The following CDH23 variants were observed in gnomAD, a reference collection of about 807,000 sequenced individuals.
CDH23 encodes the protein cadherin related 23.
CDH23 carries 189 observed loss-of-function variants against 317.1 expected under a neutral mutation model. The observed-to-expected ratio is 0.60, with a 90% confidence interval of 0.53 to 0.67. The LOEUF (loss-of-function observed/expected upper bound fraction) is 0.67. Among genes scored for constraint, CDH23 ranks in the 30% least tolerant of loss-of-function variants. CDH23 has a pLI of 0.00. For missense variants in CDH23, 4,401 were observed against 4,592.4 expected, an observed-to-expected ratio of 0.96 and a Z score of 1.20; for synonymous variants, 1,839 against 1,876.8, an observed-to-expected ratio of 0.98 and a Z score of 0.52.
chr10:71,680,369 C>CGATG (rs1240953285), intron 17 of CDH23, among the ~76,000 whole-genome samples: 1 of 152,188 alleles, frequency 6.6e-6, no homozygotes, highest in Non-Finnish European at 1.5e-5. Context: ...CAGAAGGAAT[C>CGATG]GATGTGCGTT....
chr10:71,693,699 T>C (rs1589341719), intron 20 of CDH23, among the ~76,000 whole-genome samples: 1 of 152,330 alleles, frequency 6.6e-6, no homozygotes, highest in Non-Finnish European at 1.5e-5. Flanking sequence ...GTAGTTCCTA[T>C]TATGGTTCCC....
chr10:71,714,637 G>C (rs1177561348), intron 28 of CDH23: 1 of 152,266 alleles, frequency 6.6e-6, no homozygotes, highest in African/African-American at 2.4e-5. Context: ...ATTGGAGCCA[G>C]CTCCCAGAGG....
At chr10:71,740,163 GC>G (rs1265517582) in intron 36 of CDH23, among the ~76,000 whole-genome samples, 3 of 152,218 alleles carry the variant, frequency 2.0e-5, no homozygotes, top group Non-Finnish European at 2.9e-5. Flanking sequence ...TCCCCGTCTG[GC>G]CTGCCCTGTG....
intron 1 of CDH23, among the ~76,000 whole-genome samples, chr10:71,414,914 G>A (rs1326391055): frequency 6.6e-6 from 1 of 152,126 alleles, no homozygotes; most frequent in Non-Finnish European, 1.5e-5. Flanking sequence ...GTTTTTGTGT[G>A]TCAGTGTTAG....
In CDH23 at chr10:71,455,952, G is replaced by A. The variant is rs150097300; in HGVS notation, c.145+9557G>A. Among the ~76,000 whole-genome samples the A allele has an allele frequency of 5.3e-3, 814 of 152,226 alleles. 2 individuals are homozygous for A. Among genetic ancestry groups the A allele is most frequent in the Non-Finnish European group, 8.4e-3 (572 of 68,006 alleles). ...TCCGGATTGCAGCTGCCCTGACTTC[G>A]CACACCAGCTGCAGAGGGAATTCCA... On this transcript the variant is annotated intron_variant, in intron 3 of 69. Transcript: ENST00000224721.
intron 1 of CDH23, among the ~76,000 whole-genome samples, chr10:71,404,040 C>G (rs540923499): frequency 6.6e-6 from 1 of 152,154 alleles, no homozygotes; most frequent in African/African-American, 2.4e-5. Context: ...TGCCATGAGC[C>G]GAGATCGTGC....
intron 3 of CDH23, among the ~76,000 whole-genome samples, chr10:71,501,840 A>G (rs1853352367): frequency 6.6e-6 from 1 of 152,212 alleles, no homozygotes; most frequent in Non-Finnish European, 1.5e-5. Context: ...GCCAGCCAGG[A>G]GGAGGAGGGT....
intron 18 of CDH23, among the ~76,000 whole-genome samples, chr10:71,686,290 C>T (rs895671590): frequency 2.6e-5 from 4 of 152,040 alleles, no homozygotes; most frequent in Middle Eastern, 3.4e-3. Context: ...ATGGGGCGCT[C>T]GCACCCGCAC....
intron 6 of CDH23, among the ~76,000 whole-genome samples, chr10:71,551,545 G>A (rs961798654): frequency 1.3e-5 from 2 of 152,158 alleles, no homozygotes; most frequent in African/African-American, 2.4e-5. Context: ...TTCTGGTAGG[G>A]AAGAGAAGGC....
At chr10:71,670,936 C>T (rs1864117494) in intron 14 of CDH23, among the ~76,000 whole-genome samples, 1 of 150,550 alleles carries the variant, frequency 6.6e-6, no homozygotes, top group African/African-American at 2.4e-5. Context: ...AGTTGAGGTG[C>T]TCACCTGGAG....
At chr10:71,409,749 T>C (rs952194108) in intron 1 of CDH23, among the ~76,000 whole-genome samples, 7 of 152,190 alleles carry the variant, frequency 4.6e-5, no homozygotes, top group Middle Eastern at 3.2e-3. Flanking sequence ...AGACCCATGC[T>C]GCAGCCTCAA....
chr10:71,759,742 G>A (rs1209018066), intron 38 of CDH23, among the ~76,000 whole-genome samples: 1 of 151,168 alleles, frequency 6.6e-6, no homozygotes, highest in Non-Finnish European at 1.5e-5. Flanking sequence ...AATCCGGGAG[G>A]CGGAGGTTGC....
rs1853854162 is a variant in CDH23 at position 71,509,841 on chromosome 10, A to G, written c.146-241A>G. 7.3e-6 allele frequency: 4 copies of G among 548,092 alleles called. No homozygotes were observed. The African/African-American group carries it at 7.6e-5, about 10-fold the overall frequency. The allele number at this position is 548,092 out of a possible 1,614,324, so 34.0% of individuals were successfully genotyped here. A position where few individuals can be genotyped will look rare whatever the true frequency, so the allele number is the denominator to read the frequency against. On this transcript the variant is annotated intron_variant, in intron 3 of 69. Coordinates refer to ENST00000224721, the MANE Select transcript of CDH23 (RefSeq NM_022124.6). The stretch of plus-strand genomic sequence containing the variant: ...TCATAAGTGTCTTTTACACACTCAG[A>G]ACATGGTGAGTGGTGGTTCCCTGAT...
Position 71,585,478 on chromosome 10 carries a change from G to A in CDH23, c.832+7486G>A, listed in dbSNP as rs142453045. ...TCTCTCAAGCTGGAACAAACCTGCT[G>A]TCCAAAGTGCAGGTTTAGCCCATTT... is the stretch of plus-strand genomic sequence containing the variant. On this transcript the variant is annotated intron_variant, in intron 9 of 69. Transcript: ENST00000224721. Among the ~76,000 whole-genome samples the A allele has an allele frequency of 8.3e-3, 1,264 of 152,312 alleles. 22 individuals carry two copies. Among genetic ancestry groups the A allele is most frequent in the African/African-American group, 0.029 (1,218 of 41,550 alleles).
intron 9 of CDH23, among the ~76,000 whole-genome samples, chr10:71,581,591 G>T (rs752734449): frequency 3.9e-5 from 6 of 152,226 alleles, no homozygotes; most frequent in Non-Finnish European, 5.9e-5. Flanking sequence ...AGAACAAAGA[G>T]GCCTTCAGCA....
intron 9 of CDH23, among the ~76,000 whole-genome samples, chr10:71,607,176 C>T (rs1189265856): frequency 2.6e-5 from 4 of 152,224 alleles, no homozygotes; most frequent in Non-Finnish European, 4.4e-5. Context: ...GATATGGCTC[C>T]GCTGGACAGC....
In CDH23 at chr10:71,803,434, G is replaced by A. The variant is rs531667910; in HGVS notation, c.7872+14G>A. On this transcript the variant is annotated intron_variant, in intron 55 of 69. Coordinates refer to ENST00000224721, the MANE Select transcript of CDH23 (RefSeq NM_022124.6). ...CACATCAGAGAGGTACTCCTGCCCCGAGGGCCTCCTGCCCACCAGTATTTC... is the reference window on the plus strand; with the variant it reads ...CACATCAGAGAGGTACTCCTGCCCCAAGGGCCTCCTGCCCACCAGTATTTC... The A allele has an allele frequency of 3.0e-5, 47 of 1,568,642 alleles. No individual in the cohort carries two copies. In the Middle Eastern group the frequency reaches 1.1e-3, roughly 35 times the overall value.
intron 6 of CDH23, among the ~76,000 whole-genome samples, chr10:71,525,716 G>A (rs990169840): frequency 6.6e-6 from 1 of 152,278 alleles, no homozygotes; most frequent in Non-Finnish European, 1.5e-5. Flanking sequence ...CACACTGCTG[G>A]GACACCACAG....
intron 56 of CDH23, 22 bp downstream of exon 56, chr10:71,806,019 AGGGGCGGGGTCT>A (rs773616656): frequency 5.2e-5 from 22 of 422,252 alleles, no homozygotes; most frequent in Non-Finnish European, 8.6e-5. Context: ...GCCCGGTGCG[AGGGGCGGGGTCT>A]GGGGCGGGGC....
Sources: allele counts gnomAD v4.1 joint callset (sites outside exome capture counted in the v4.1 genomes callset), GRCh38; gene constraint gnomAD v4.1.1; transcripts MANE v1.5; gene names NCBI Gene and HGNC (gene_info 2026-07-23, HGNC 2026-07-21).